The following TBC1D8B variants were observed in gnomAD, a reference collection of about 807,000 sequenced individuals.
TBC1D8B encodes RP11-321G1.1.
A neutral mutation model predicts 82.9 loss-of-function variants in TBC1D8B; 75 were observed. The observed-to-expected ratio is 0.90, with a 90% CI of 0.75 to 1.10. The LOEUF (loss-of-function observed/expected upper bound fraction) is 1.10. Among genes scored for constraint, TBC1D8B ranks in the 50% least tolerant of loss-of-function variants. The pLI is 0.00. For synonymous variants in TBC1D8B, 276 were observed against 276.8 expected (o/e 1.00, Z 0.03); for missense variants, 794 against 796.9 (o/e 1.00, Z 0.04).
In TBC1D8B at chrX:106,873,595, C is replaced by T; in HGVS notation, c.2993C>T (p.Thr998Ile). 1 of 1,198,837 alleles carries T rather than the reference C, an allele frequency of 8.3e-7. No homozygotes were observed. The highest frequency in any genetic ancestry group is 1.1e-6 in the Non-Finnish European group (1 of 891,004). ...TCTCAGTTTATTCAGTTTTCAAAGACCCTCTATAACTTATTTCATGAGGAC... is the reference window on the plus strand; with the variant it reads ...TCTCAGTTTATTCAGTTTTCAAAGATCCTCTATAACTTATTTCATGAGGAC... Reference protein sequence around the residue: ...NQSQFIQFSKTLYNLFHEDPE... With the variant: ...NQSQFIQFSKILYNLFHEDPE... The change falls in exon 21 of 21, where the codon ACC (threonine) becomes ATC (isoleucine). Residue 998 changes from threonine (T) to isoleucine (I), a missense_variant. Physicochemically the swap from Thr to Ile is moderately conservative, Grantham distance 89. Transcript: ENST00000357242.
chrX:106,836,252 C>T (rs1932172668), intron 7 of TBC1D8B, among the ~76,000 whole-genome samples: 2 of 111,477 alleles, frequency 1.8e-5, no homozygotes, highest in Non-Finnish European at 3.8e-5. Context: ...CTTATAAAAC[C>T]ATCAGATCTC....
At position 106,873,901 on chromosome X, in the gene TBC1D8B, T is replaced by C. The variant is rs1172172458; in HGVS notation, c.3299T>C (p.Ile1100Thr). ...TTGGTGAGGTTTTTTGAGAAACCCA[T>C]AGATGTAAAAGCCAAGCTGGAAAAT... ...PALVRFFEKP[I>T]DVKAKLENAR... Residue 1100 changes from isoleucine to threonine, a missense_variant, in exon 21 of 21, where the codon ATA (isoleucine) becomes ACA (threonine). By Grantham distance (89) the Ile-to-Thr change is moderately conservative (BLOSUM62 -1). Transcript: ENST00000357242. 1.7e-6 allele frequency: 2 copies of C among 1,205,609 alleles called. No individual in the cohort carries two copies. Among genetic ancestry groups the C allele is most frequent in the East Asian group, 3.0e-5 (1 of 33,740 alleles).
intron 1 of TBC1D8B, among the ~76,000 whole-genome samples, chrX:106,805,072 CTTTTTTTT>C (rs11432144): frequency 1.3e-4 from 7 of 54,593 alleles, no homozygotes; most frequent in African/African-American, 5.5e-4. Flanking sequence ...TGCAAGTTTC[CTTTTTTTT>C]TTTTTTTTTT....
chrX:106,803,123 A>G, intron 1 of TBC1D8B, 140 bp downstream of exon 1: 3 of 709,551 alleles, frequency 4.2e-6, no homozygotes, highest in Non-Finnish European at 5.8e-6. Flanking sequence ...TCCCGACACC[A>G]CCTTTCCGCC....
intron 1 of TBC1D8B, among the ~76,000 whole-genome samples, chrX:106,806,017 G>A (rs184251961): frequency 2.3e-4 from 26 of 112,652 alleles, no homozygotes; most frequent in African/African-American, 8.0e-4. Flanking sequence ...TTTGCCATAT[G>A]ATAATTGGTG....
At chrX:106,839,945 A>G in intron 8 of TBC1D8B, 103 bp from the exon 9 acceptor site, 1 of 874,675 alleles carries the variant, frequency 1.1e-6, no homozygotes. Context: ...CTATGTTCTT[A>G]ATTTCTATAG....
At position 106,852,241 on chromosome X, in the gene TBC1D8B, C is replaced by T. The variant is rs759571220; in HGVS notation, c.2124-1280C>T. On this transcript the variant is annotated intron_variant, in intron 12 of 20. Coordinates refer to ENST00000357242, the MANE Select transcript of TBC1D8B (RefSeq NM_017752.3). ...TTGAGAAGTGTCTGTTCATGTCCTT[C>T]GCCCACTTTTTGATGGGGTTGTTTG... Among the ~76,000 whole-genome samples, 698 of 99,796 alleles carry T rather than the reference C, an allele frequency of 7.0e-3. 6 individuals carry two copies. The highest frequency in any genetic ancestry group is 0.025 in the African/African-American group (663 of 27,061). 86.7% of individuals were successfully genotyped at this position (99,796 alleles called of 115,157 possible).
At chrX:106,863,064 GT>G (rs901825922) in intron 14 of TBC1D8B, among the ~76,000 whole-genome samples, 3 of 111,197 alleles carry the variant, frequency 2.7e-5, no homozygotes, top group African/African-American at 6.5e-5. Context: ...CTTAGTCGGG[GT>G]GGTGGCGGTG....
rs1471120981 is a variant in TBC1D8B, at chrX:106,823,466, G to T, written c.827G>T (p.Arg276Ile). The stretch of plus-strand genomic sequence containing the variant: ...TATAATCCTCTACAGATCACCAAAA[G>T]GTATTCAAAGCTTAATTTTTAGTTT... ...VLYNPLQITKRGLENRAHSEQ... is the reference protein window; with the variant it reads ...VLYNPLQITKIGLENRAHSEQ... Residue 276 changes from arginine to isoleucine, a missense_variant and splice_region_variant, in exon 5 of 21, where the codon AGA (arginine) becomes ATA (isoleucine). Physicochemically the swap from Arg to Ile is moderately conservative, Grantham distance 97. Transcript: ENST00000357242. 5.8e-6 allele frequency: 7 copies of T among 1,199,447 alleles called. No individual in the cohort carries two copies. The highest frequency in any genetic ancestry group is 7.9e-6 in the Non-Finnish European group (7 of 888,435).
chrX:106,847,335 A>G (rs917037681), intron 10 of TBC1D8B, among the ~76,000 whole-genome samples: 1 of 111,733 alleles, frequency 8.9e-6, no homozygotes, highest in Non-Finnish European at 1.9e-5. Flanking sequence ...CAAAAAAATA[A>G]AGATTTAGTA....
intron 2 of TBC1D8B, among the ~76,000 whole-genome samples, chrX:106,819,979 T>C (rs748245889): frequency 8.1e-5 from 9 of 110,814 alleles, no homozygotes; most frequent in Non-Finnish European, 1.3e-4. Context: ...AAGACAGTTA[T>C]TACTCTTGCT....
At chrX:106,832,125 A>T (rs1232264273) in intron 7 of TBC1D8B, among the ~76,000 whole-genome samples, 1 of 111,229 alleles carries the variant, frequency 9.0e-6, no homozygotes, top group African/African-American at 3.3e-5. Context: ...AAACAGCAAG[A>T]CTTTTTATTT....
intron 1 of TBC1D8B, among the ~76,000 whole-genome samples, chrX:106,806,491 C>A (rs1174262993): frequency 1.8e-5 from 2 of 111,896 alleles, no homozygotes; most frequent in Admixed American, 9.5e-5. Context: ...AAGCACAAAT[C>A]AATTTGCTTT....
intron 14 of TBC1D8B, among the ~76,000 whole-genome samples, chrX:106,862,766 GTTTTTTTTTGTTTTTTTT>G (rs1932784916): frequency 2.8e-5 from 1 of 35,801 alleles, no homozygotes. Context: ...CTTTGGATGG[GTTTTTTTTTGTTTTTTTT>G]TTTTTTTTTT....
At chrX:106,840,005 T>C in intron 8 of TBC1D8B, 43 bp from the exon 9 acceptor site, 1 of 1,133,267 alleles carries the variant, frequency 8.8e-7, no homozygotes, top group Non-Finnish European at 1.2e-6. Context: ...CAGAAGTTAA[T>C]TTCTCACTAA....
At chrX:106,852,544 T>C (rs1396387858) in intron 12 of TBC1D8B, among the ~76,000 whole-genome samples, 1 of 111,891 alleles carries the variant, frequency 8.9e-6, no homozygotes, top group Non-Finnish European at 1.9e-5. Context: ...TTTTTATGGT[T>C]TTAGGTCTAA....
chrX:106,819,645 C>T (rs1203022334), intron 2 of TBC1D8B, among the ~76,000 whole-genome samples: 1 of 110,251 alleles, frequency 9.1e-6, no homozygotes, highest in Non-Finnish European at 1.9e-5. Flanking sequence ...TTTATATTTC[C>T]GCCTAAATTT....
At chrX:106,836,833 G>A (rs1020713637) in intron 7 of TBC1D8B, among the ~76,000 whole-genome samples, 2 of 111,671 alleles carry the variant, frequency 1.8e-5, no homozygotes, top group African/African-American at 6.5e-5. Context: ...ACTGGCATAA[G>A]GGGAGACATG....
chrX:106,825,225 G>C (rs756287305), intron 5 of TBC1D8B, among the ~76,000 whole-genome samples: 2 of 111,862 alleles, frequency 1.8e-5, no homozygotes, highest in African/African-American at 6.5e-5. Flanking sequence ...TATTTTGAAA[G>C]ACATGATGAA....
Sources: allele counts gnomAD v4.1 joint callset (sites outside exome capture counted in the v4.1 genomes callset), GRCh38; gene constraint gnomAD v4.1.1; transcripts MANE v1.5; gene names NCBI Gene and HGNC (gene_info 2026-07-23, HGNC 2026-07-21).